CAST: variants seen among roughly 807,000 people sequenced by gnomAD.
CAST encodes the protein calpastatin, also known as MIR583 host.
Under a neutral mutation model 119.6 loss-of-function variants are expected in CAST, and 76 were observed. That is an observed-to-expected ratio of 0.64 (90% CI 0.53 to 0.77). CAST has a LOEUF of 0.77. Among genes scored for constraint, CAST ranks in the 30% least tolerant of loss-of-function variants. CAST has a pLI of 0.00. For missense variants in CAST, 953 were observed against 946.5 expected, an observed-to-expected ratio of 1.01 and a Z score of -0.09; for synonymous variants, 319 against 331.6, an observed-to-expected ratio of 0.96 and a Z score of 0.41.
chr5:96,061,629 G>A, the CAST span, among the ~76,000 whole-genome samples: 4 of 150,756 alleles, frequency 2.7e-5, no homozygotes, highest in Non-Finnish European at 5.9e-5. Flanking sequence ...AGTTGTTGGT[G>A]TGCCCTTGTT....
At chr5:96,412,757 T>TTTTTTTTTGTTTTTTG in the CAST span, among the ~76,000 whole-genome samples, 4 of 141,588 alleles carry the variant, frequency 2.8e-5, no homozygotes, top group African/African-American at 1.2e-4. Context: ...GTGATGTTTT[T>TTTTTTTTTGTTTTTTG]TTTTTTTTTT....
At chr5:96,207,827 G>T in the CAST span, among the ~76,000 whole-genome samples, 2 of 152,042 alleles carry the variant, frequency 1.3e-5, no homozygotes, top group Non-Finnish European at 2.9e-5. Flanking sequence ...AGCTGGGGAG[G>T]AGTCCCTCCT....
the CAST span, among the ~76,000 whole-genome samples, chr5:96,459,569 G>A: frequency 4.3e-3 from 651 of 152,276 alleles, 4 homozygotes; most frequent in African/African-American, 0.015. Flanking sequence ...GGATTCAGCT[G>A]CTTAAGCTTT....
At chr5:96,052,820 C>T in the CAST span, among the ~76,000 whole-genome samples, 5 of 152,174 alleles carry the variant, frequency 3.3e-5, no homozygotes, top group Admixed American at 6.5e-5. Context: ...TCCATTTGGT[C>T]AGGAAGTAGC....
chr5:96,254,424 C>CT, the CAST span, among the ~76,000 whole-genome samples: 1 of 152,020 alleles, frequency 6.6e-6, no homozygotes, highest in East Asian at 1.9e-4. Flanking sequence ...AATTCCATAC[C>CT]TTTTCTCTTT....
the CAST span, among the ~76,000 whole-genome samples, chr5:96,466,312 C>T: frequency 6.6e-6 from 1 of 151,994 alleles, no homozygotes; most frequent in African/African-American, 2.4e-5. Flanking sequence ...GTTTTTATTC[C>T]ATTTGGGGTT....
the CAST span, among the ~76,000 whole-genome samples, chr5:96,311,431 T>C: frequency 6.6e-6 from 1 of 152,100 alleles, no homozygotes. Flanking sequence ...GCCTGTTAGG[T>C]CATTTATTCT....
At position 96,729,656 on chromosome 5, in the gene CAST, T is replaced by G. The variant is rs770861432; in HGVS notation, c.480T>G (p.Asp160Glu). The G allele has an allele frequency of 1.9e-6, 3 of 1,604,542 alleles. No individual in the cohort carries two copies. In the South Asian group the frequency reaches 3.3e-5, roughly 18 times the overall value. ...PKQASDTGSN[D>E]AHNKKAVSRS... ...AGGCATCAGATACAGGAAGTAACGA[T>G]GCTCACAATAAAAAAGCAGTTTCCA... The change falls in exon 8 of 32, where the codon GAT (aspartate) becomes GAG (glutamate). Residue 160 changes from aspartate to glutamate, a missense_variant. By Grantham distance (45) the Asp-to-Glu change is conservative. Coordinates refer to ENST00000675179, the MANE Select transcript of CAST (RefSeq NM_001750.7).
intron 3 of CAST, chr5:96,714,522 T>C (rs1756849763): frequency 6.6e-6 from 1 of 152,188 alleles, no homozygotes; most frequent in African/African-American, 2.4e-5. Context: ...TAACAGAAAT[T>C]GTTTGATTCA....
the CAST span, among the ~76,000 whole-genome samples, chr5:96,003,972 C>T: frequency 5.9e-5 from 9 of 152,144 alleles, no homozygotes; most frequent in Non-Finnish European, 1.3e-4. Context: ...TAAATTAGGA[C>T]AGCTCCCGCT....
rs561846215 is a variant in CAST, at chr5:96,727,720, TAAA to T, written c.378+193_378+195del. Among the ~76,000 whole-genome samples the T allele has an allele frequency of 2.2e-3, 340 of 152,270 alleles. 2 individuals are homozygous for T. Among genetic ancestry groups the T allele is most frequent in the African/African-American group, 8.0e-3 (332 of 41,564 alleles). ...ATATAACATTAAGTCCGTATATTGTTAAAAAGAATATATAATATTTTATAAATG... is the reference window on the plus strand; with the variant it reads ...ATATAACATTAAGTCCGTATATTGTTAAGAATATATAATATTTTATAAATG... On this transcript the variant is annotated intron_variant, in intron 6 of 31. Transcript: ENST00000675179.
the CAST span, among the ~76,000 whole-genome samples, chr5:96,452,046 A>C: frequency 6.6e-6 from 1 of 152,220 alleles, no homozygotes; most frequent in Admixed American, 6.5e-5. Context: ...GTTGGTGGGA[A>C]TGTAAATTAG....
At chr5:96,426,385 A>G in the CAST span, among the ~76,000 whole-genome samples, 2 of 152,198 alleles carry the variant, frequency 1.3e-5, no homozygotes, top group African/African-American at 2.4e-5. Flanking sequence ...CAACAGGTAG[A>G]AATTGCAAAT....
intron 1 of CAST, among the ~76,000 whole-genome samples, chr5:96,605,525 C>T (rs1269676957): frequency 6.6e-6 from 1 of 152,192 alleles, no homozygotes; most frequent in Non-Finnish European, 1.5e-5. Context: ...CCCTAAGAGA[C>T]AATTCAGCCT....
chr5:96,757,687 GTTTTTTTT>G lies in CAST; in HGVS notation c.1833+42_1833+49del, dbSNP rs369438033. The G allele has an allele frequency of 2.8e-3, 3,103 of 1,097,082 alleles. 21 individuals are homozygous for G. Among genetic ancestry groups the G allele is most frequent in the Non-Finnish European group, 3.8e-3 (2,881 of 763,266 alleles). 68.0% of individuals were successfully genotyped at this position (1,097,082 alleles called of 1,614,324 possible). A position where few individuals can be genotyped will look rare whatever the true frequency, so the allele number is the denominator to read the frequency against. On this transcript the variant is annotated intron_variant, in intron 24 of 31. Transcript: ENST00000675179. ...CAAAACTCTTGGTTTTATTTCTTTAGTTTTTTTTTTTTTTTTCCTTTGAGATGGAGTCT... is the reference window on the plus strand; with the variant it reads ...CAAAACTCTTGGTTTTATTTCTTTAGTTTTTTTTCCTTTGAGATGGAGTCT...
the CAST span, among the ~76,000 whole-genome samples, chr5:96,482,844 C>T: frequency 7.9e-5 from 12 of 152,066 alleles, no homozygotes; most frequent in South Asian, 8.3e-4. Flanking sequence ...GAGCCCATGA[C>T]GGGGAAAAAA....
At chr5:96,653,237 G>C (rs1359995589) in intron 1 of CAST, among the ~76,000 whole-genome samples, 2 of 152,210 alleles carry the variant, frequency 1.3e-5, no homozygotes, top group African/African-American at 4.8e-5. Flanking sequence ...CCTTGGGGCA[G>C]GGCTAGACCC....
At chr5:96,390,132 TCA>T in the CAST span, among the ~76,000 whole-genome samples, 5 of 152,218 alleles carry the variant, frequency 3.3e-5, no homozygotes, top group African/African-American at 1.2e-4. Context: ...CAGTTAAGGC[TCA>T]GTCATACAGC....
chr5:96,757,793 C>T lies in CAST; in HGVS notation c.1833+139C>T, dbSNP rs577475170. The stretch of plus-strand genomic sequence containing the variant: ...GCAACCTCCACCTTCCAGATTCAAG[C>T]GATTCTCCTGCCCCAGCCTCCTGAG... On this transcript the variant is annotated intron_variant, in intron 24 of 31. Transcript: ENST00000675179. 1.9e-5 allele frequency: 12 copies of T among 627,082 alleles called. No homozygotes were observed. The highest frequency in any genetic ancestry group is 9.3e-5 in the African/African-American group (5 of 54,004). The allele number at this position is 627,082 out of a possible 1,614,324, so 38.8% of individuals were successfully genotyped here.
Sources: allele counts gnomAD v4.1 joint callset (sites outside exome capture counted in the v4.1 genomes callset), GRCh38; gene constraint gnomAD v4.1.1; transcripts MANE v1.5; gene names NCBI Gene and HGNC (gene_info 2026-07-23, HGNC 2026-07-21).